Variants in SHISA9 observed in about 807,000 individuals in gnomAD.
SHISA9 encodes protein shisa-9.
SHISA9 carries 13 observed loss-of-function variants against 38.0 expected under a neutral mutation model. That is an observed-to-expected ratio of 0.34 (90% CI 0.22 to 0.54). SHISA9 has a LOEUF of 0.54. Among genes scored for constraint, SHISA9 ranks in the 20% least tolerant of loss-of-function variants. The probability of loss-of-function intolerance (pLI) is 0.91; values close to 1 mark genes in which losing one functional copy is unlikely to be tolerated. For missense variants in SHISA9, 538 were observed against 575.8 expected, an observed-to-expected ratio of 0.93 and a Z score of 0.67; for synonymous variants, 275 against 242.0, an observed-to-expected ratio of 1.14 and a Z score of -1.27.
At chr16:13,004,950 A>AAAAAAAG (rs2072578030) in intron 2 of SHISA9, among the ~76,000 whole-genome samples, 1 of 105,850 alleles carries the variant, frequency 9.4e-6, no homozygotes, top group Non-Finnish European at 1.9e-5. Context: ...AAAGAAAAAA[A>AAAAAAAG]AAAAAAAAGA....
chr16:13,292,325 A>G, the SHISA9 span, among the ~76,000 whole-genome samples: 2 of 152,182 alleles, frequency 1.3e-5, no homozygotes, highest in African/African-American at 4.8e-5. Flanking sequence ...GAATCCTGAA[A>G]CAGAGGAGTT....
At chr16:13,167,195 C>G (rs1456613576) in intron 2 of SHISA9, among the ~76,000 whole-genome samples, 1 of 151,474 alleles carries the variant, frequency 6.6e-6, no homozygotes, top group Non-Finnish European at 1.5e-5. Context: ...GCTTCAGCCT[C>G]CTGAGTAGCT....
At chr16:13,559,111 G>T in the SHISA9 span, among the ~76,000 whole-genome samples, 1 of 152,064 alleles carries the variant, frequency 6.6e-6, no homozygotes, top group African/African-American at 2.4e-5. Context: ...CTAGCTCCTA[G>T]AATATATACA....
the SHISA9 span, among the ~76,000 whole-genome samples, chr16:13,529,632 A>G: frequency 6.6e-6 from 1 of 152,230 alleles, no homozygotes; most frequent in Non-Finnish European, 1.5e-5. Context: ...AGTCACGCAT[A>G]TTGGCTCAGA....
At chr16:13,211,347 G>A (rs967072877) in intron 3 of SHISA9, among the ~76,000 whole-genome samples, 1 of 151,720 alleles carries the variant, frequency 6.6e-6, no homozygotes, top group African/African-American at 2.4e-5. Flanking sequence ...TCCCTATGAT[G>A]TTGAGTATAA....
chr16:13,015,666 T>C (rs768370003), intron 2 of SHISA9, among the ~76,000 whole-genome samples: 5 of 152,130 alleles, frequency 3.3e-5, no homozygotes, highest in African/African-American at 1.2e-4. Flanking sequence ...TCCTGGGTAG[T>C]TGGTAGCTGA....
chr16:13,479,333 T>C, the SHISA9 span, among the ~76,000 whole-genome samples: 1 of 152,172 alleles, frequency 6.6e-6, no homozygotes, highest in Admixed American at 6.5e-5. Context: ...AGCATATTCA[T>C]AGGTCTGGGT....
chr16:13,191,841 C>G (rs553172238), intron 2 of SHISA9, among the ~76,000 whole-genome samples: 1 of 152,212 alleles, frequency 6.6e-6, no homozygotes, highest in Non-Finnish European at 1.5e-5. Context: ...CATGGTCCCT[C>G]TTGAGTATTG....
intron 2 of SHISA9, among the ~76,000 whole-genome samples, chr16:12,943,802 G>A (rs1035910379): frequency 3.3e-5 from 5 of 152,174 alleles, no homozygotes; most frequent in South Asian, 4.1e-4. Context: ...ATCTAATATA[G>A]ATCCTATTTT....
the SHISA9 span, among the ~76,000 whole-genome samples, chr16:13,497,903 A>G: frequency 1.3e-5 from 2 of 152,092 alleles, no homozygotes; most frequent in African/African-American, 4.8e-5. Flanking sequence ...AATAAATTCC[A>G]ATCAGATTAA....
chr16:13,415,597 C>T, the SHISA9 span, among the ~76,000 whole-genome samples: 279 of 152,078 alleles, frequency 1.8e-3, 1 homozygote, highest in Middle Eastern at 3.4e-3. Context: ...AGGTTAAATA[C>T]GAATAAAATA....
chr16:13,510,054 C>G, the SHISA9 span, among the ~76,000 whole-genome samples: 1 of 152,126 alleles, frequency 6.6e-6, no homozygotes, highest in South Asian at 2.1e-4. Flanking sequence ...ACCTGTAGTC[C>G]CAGCACTTTG....
In SHISA9 at chr16:13,183,977, G is replaced by A. The variant is rs187042517; in HGVS notation, c.692-19417G>A. ...CGGACAGAAACTCTTATTACTGGCA[G>A]TTTCTTATCCACACTCTGGGGGAGG... On this transcript the variant is annotated intron_variant, in intron 2 of 4. Transcript: ENST00000558583. Among the ~76,000 whole-genome samples, 244 of 152,198 alleles carry A rather than the reference G, an allele frequency of 1.6e-3. 1 individual carries two copies. The highest frequency in any genetic ancestry group is 2.9e-3 in the Admixed American group (45 of 15,276).
chr16:12,982,350 G>C (rs2141824210), intron 2 of SHISA9, among the ~76,000 whole-genome samples: 1 of 152,320 alleles, frequency 6.6e-6, no homozygotes, highest in Middle Eastern at 3.4e-3. Flanking sequence ...TGCCATAGTG[G>C]ACAGGAAAGA....
chr16:13,341,518 A>T, the SHISA9 span, among the ~76,000 whole-genome samples: 28 of 152,268 alleles, frequency 1.8e-4, no homozygotes, highest in Non-Finnish European at 4.1e-4. Context: ...AATGATGATG[A>T]CCATCACTCT....
At chr16:13,242,612 G>T (rs1180638522), downstream of SHISA9, among the ~76,000 whole-genome samples, 2 of 152,172 alleles carry the variant, frequency 1.3e-5, no homozygotes, top group African/African-American at 4.8e-5. Flanking sequence ...TTGGCTGGTG[G>T]TATTTATTGA....
the SHISA9 span, among the ~76,000 whole-genome samples, chr16:13,254,441 C>T: frequency 6.6e-6 from 1 of 152,226 alleles, no homozygotes; most frequent in African/African-American, 2.4e-5. Context: ...ATTATGTCAC[C>T]AGCCTTGGTT....
At chr16:13,458,398 G>A in the SHISA9 span, 1 of 375,142 alleles carries the variant, frequency 2.7e-6, no homozygotes, top group Non-Finnish European at 5.2e-6. Context: ...TTATGATGCT[G>A]TAACGATGGG....
At chr16:13,168,310 T>C (rs1336825985) in intron 2 of SHISA9, among the ~76,000 whole-genome samples, 1 of 152,170 alleles carries the variant, frequency 6.6e-6, no homozygotes, top group African/African-American at 2.4e-5. Context: ...GTCCAGTAGC[T>C]TAATTCCTTA....
Sources: allele counts gnomAD v4.1 joint callset (sites outside exome capture counted in the v4.1 genomes callset), GRCh38; gene constraint gnomAD v4.1.1; transcripts MANE v1.5; gene names NCBI Gene and HGNC (gene_info 2026-07-23, HGNC 2026-07-21).